Variants in PHKA2 observed in about 807,000 individuals in gnomAD.
PHKA2 encodes phosphorylase b kinase regulatory subunit alpha, liver isoform.
Under a neutral mutation model 102.0 loss-of-function variants are expected in PHKA2, and 31 were observed. The observed-to-expected ratio is 0.30, with a 90% CI of 0.23 to 0.41. The LOEUF (loss-of-function observed/expected upper bound fraction) is 0.41, where lower values mean the gene tolerates loss of function less well. Ranked by LOEUF, PHKA2 falls within the 10% of genes least tolerant of loss-of-function variation. PHKA2 has a pLI of 1.00. For missense variants in PHKA2, 858 were observed against 1,023.1 expected (o/e 0.84, Z 2.20); for synonymous variants, 455 against 416.2 (o/e 1.09, Z -1.13).
chrX:18,909,321 T>C (rs1385646024), intron 20 of PHKA2, among the ~76,000 whole-genome samples: 5 of 112,075 alleles, frequency 4.5e-5, no homozygotes, highest in Non-Finnish European at 9.4e-5. Flanking sequence ...TGATCATTCA[T>C]TGAGCTGAAG....
chrX:18,973,637 CTCTT>C (rs762061552), intron 1 of PHKA2, among the ~76,000 whole-genome samples: 14 of 112,061 alleles, frequency 1.2e-4, no homozygotes, highest in African/African-American at 3.9e-4. Context: ...AGAGCTGTCT[CTCTT>C]TATCTTTTAT....
At chrX:18,933,205 C>T (rs1410604311) in intron 11 of PHKA2, among the ~76,000 whole-genome samples, 1 of 112,021 alleles carries the variant, frequency 8.9e-6, no homozygotes, top group African/African-American at 3.2e-5. Context: ...CCTGGCTTTG[C>T]ACTCCTCCCA....
Position 18,984,046 on chromosome X carries a change from T to A in PHKA2, c.-114A>T. ...GACACTCACAGCCTTAGTCGGTTCT[T>A]GGGATGGGACCGGGCCGGAGGAGGT... On this transcript the variant is annotated 5_prime_UTR_variant, in exon 1 of 33. Coordinates refer to ENST00000379942, the MANE Select transcript of PHKA2 (RefSeq NM_000292.3). 1 of 614,392 alleles carries A rather than the reference T, an allele frequency of 1.6e-6. No individual in the cohort carries two copies. 50.6% of individuals were successfully genotyped at this position (614,392 alleles called of 1,213,427 possible).
intron 1 of PHKA2, among the ~76,000 whole-genome samples, chrX:18,958,314 A>C (rs2048814052): frequency 9.0e-6 from 1 of 111,607 alleles, no homozygotes; most frequent in Non-Finnish European, 1.9e-5. Context: ...ATTCCATAGA[A>C]GATACCTGTA....
intron 5 of PHKA2, among the ~76,000 whole-genome samples, chrX:18,946,218 G>A (rs183848435): frequency 1.8e-5 from 2 of 111,049 alleles, no homozygotes. Flanking sequence ...ATGAGCCACC[G>A]CGCCTGGCCA....
intron 17 of PHKA2, among the ~76,000 whole-genome samples, chrX:18,921,077 T>A (rs941448853): frequency 2.7e-5 from 3 of 110,954 alleles, no homozygotes; most frequent in Non-Finnish European, 3.8e-5. Flanking sequence ...TTTCTTTAAT[T>A]GAGCACCCCC....
chrX:18,899,784 A>G (rs16980913), intron 28 of PHKA2, among the ~76,000 whole-genome samples: 8,224 of 111,988 alleles, frequency 0.073, 630 homozygotes, highest in African/African-American at 0.23. Context: ...AGGTATTCTT[A>G]CAAAAGAGAC....
chrX:18,969,512 G>A (rs947646839), intron 1 of PHKA2, among the ~76,000 whole-genome samples: 1 of 110,627 alleles, frequency 9.0e-6, no homozygotes, highest in African/African-American at 3.3e-5. Flanking sequence ...ATTCTTAAAT[G>A]CAATTGTTTT....
intron 1 of PHKA2, among the ~76,000 whole-genome samples, chrX:18,958,395 C>T (rs768883834): frequency 2.0e-4 from 22 of 110,864 alleles, no homozygotes; most frequent in Middle Eastern, 4.7e-3. Flanking sequence ...AATAAATATC[C>T]TTATATATTC....
chrX:18,977,268 G>T (rs749084755), intron 1 of PHKA2, among the ~76,000 whole-genome samples: 34 of 112,361 alleles, frequency 3.0e-4, no homozygotes, highest in African/African-American at 1.1e-3. Context: ...AATGTGGCAT[G>T]CATAAAGTTG....
chrX:18,900,592 C>T lies in PHKA2; in HGVS notation c.3057+78G>A, dbSNP rs2047662725. ...CCGCCCTCTACACATTCACACGCTG[C>T]GGAGTCACAGCCTCACTTTCCACAT... On this transcript the variant is annotated intron_variant, in intron 28 of 32. Transcript: ENST00000379942. The T allele has an allele frequency of 1.1e-5, 10 of 926,892 alleles. No homozygotes were observed. In the South Asian group the frequency reaches 1.2e-4, roughly 11 times the overall value. 76.4% of individuals were successfully genotyped at this position (926,892 alleles called of 1,213,427 possible). A position where few individuals can be genotyped will look rare whatever the true frequency, so the allele number is the denominator to read the frequency against.
rs963964883 is a variant in PHKA2, at chrX:18,908,684, G to T, written c.2360+117C>A. 5.9e-5 allele frequency: 37 copies of T among 624,336 alleles called. No homozygotes were observed. The African/African-American group carries it at 7.8e-4, about 13-fold the overall frequency. The allele number at this position is 624,336 out of a possible 1,213,427, so 51.5% of individuals were successfully genotyped here. On this transcript the variant is annotated intron_variant, in intron 21 of 32. Transcript: ENST00000379942. ...AACAGGCCTTCCCAGACATCAAATC[G>T]GCCTTGAGTTTCAACTTCCCAGCCT... is the stretch of plus-strand genomic sequence containing the variant.
intron 1 of PHKA2, among the ~76,000 whole-genome samples, chrX:18,955,820 T>C (rs1016848293): frequency 2.7e-5 from 3 of 112,239 alleles, no homozygotes; most frequent in Non-Finnish European, 5.6e-5. Context: ...CTTTCTCCTC[T>C]AACAAATCTA....
intron 1 of PHKA2, among the ~76,000 whole-genome samples, chrX:18,960,788 C>T (rs1295138111): frequency 3.6e-5 from 4 of 112,053 alleles, no homozygotes; most frequent in Non-Finnish European, 7.5e-5. Flanking sequence ...CACAGCGAAC[C>T]ATGAGGGTCA....
At position 18,893,488 on chromosome X, in the gene PHKA2, T is replaced by C. The variant is rs112249974; in HGVS notation, c.3705A>G (p.Gln1235=). The change falls in exon 33 of 33, where the codon CAA becomes CAG. Residue 1235 remains glutamine, a synonymous_variant. Coordinates refer to ENST00000379942, the MANE Select transcript of PHKA2 (RefSeq NM_000292.3). The part of the protein sequence containing the change: ...ELLPNSGCQM[Q] ...GATCATGTTTCCAGGTGAGACCCTATTGCATCTGGCAGCCCGAATTGGGCA... is the reference window on the plus strand; with the variant it reads ...GATCATGTTTCCAGGTGAGACCCTACTGCATCTGGCAGCCCGAATTGGGCA... 925 of 1,208,857 alleles carry C rather than the reference T, an allele frequency of 7.7e-4. 1 individual carries two copies. In the African/African-American group the frequency reaches 0.014, roughly 18 times the overall value.
chrX:18,937,645 A>G (rs1200125980), intron 10 of PHKA2, among the ~76,000 whole-genome samples: 2 of 111,963 alleles, frequency 1.8e-5, no homozygotes, highest in Non-Finnish European at 3.8e-5. Context: ...TGTTTAAAGG[A>G]CTGAAAGGAT....
chrX:18,904,352 A>G (rs1057211498), intron 26 of PHKA2, among the ~76,000 whole-genome samples: 1 of 112,422 alleles, frequency 8.9e-6, no homozygotes, highest in African/African-American at 3.2e-5. Flanking sequence ...AATTTACAAA[A>G]ATTGAGCAAT....
At chrX:18,935,429 A>G (rs1377213304) in intron 11 of PHKA2, among the ~76,000 whole-genome samples, 1 of 111,664 alleles carries the variant, frequency 9.0e-6, no homozygotes, top group Admixed American at 9.5e-5. Flanking sequence ...GAAGTGTGTA[A>G]GAACACGGTG....
intron 4 of PHKA2, among the ~76,000 whole-genome samples, chrX:18,949,814 C>T (rs1279468773): frequency 1.8e-5 from 2 of 112,203 alleles, no homozygotes; most frequent in African/African-American, 6.5e-5. Flanking sequence ...AAAATATCTA[C>T]AGTGAGCTCA....
Sources: gnomAD v4.1 joint callset for allele counts (sites outside exome capture counted in the v4.1 genomes callset) on GRCh38, gnomAD v4.1.1 for gene constraint, MANE v1.5 for transcripts, NCBI Gene and HGNC (gene_info 2026-07-23, HGNC 2026-07-21) for gene names.